The following EBF2 variants were observed in gnomAD, a reference collection of about 807,000 sequenced individuals.
EBF2 encodes the protein EBF transcription factor 2, also known as transcription factor COE2.
In EBF2, 21 loss-of-function variants were observed where a neutral mutation model predicts 72.8. That is an observed-to-expected ratio of 0.29 (90% CI 0.20 to 0.42). The LOEUF (loss-of-function observed/expected upper bound fraction) is 0.42. Ranked by LOEUF, EBF2 falls within the 10% of genes least tolerant of loss-of-function variation. The pLI is 1.00. For missense variants in EBF2, 637 were observed against 731.2 expected, an observed-to-expected ratio of 0.87 and a Z score of 1.49; for synonymous variants, 299 against 274.2, an observed-to-expected ratio of 1.09 and a Z score of -0.89.
At chr8:25,938,473 A>G (rs1803616905) in intron 6 of EBF2, among the ~76,000 whole-genome samples, 1 of 151,984 alleles carries the variant, frequency 6.6e-6, no homozygotes, top group South Asian at 2.1e-4. Context: ...GCCAATATAG[A>G]AGACAAATAC....
chr8:26,028,829 G>A (rs1805346417), intron 6 of EBF2, among the ~76,000 whole-genome samples: 1 of 152,156 alleles, frequency 6.6e-6, no homozygotes, highest in South Asian at 2.1e-4. Context: ...GTTTTGTTCT[G>A]TTCTGTTTTG....
At chr8:25,940,800 A>G (rs755341880) in intron 6 of EBF2, among the ~76,000 whole-genome samples, 8 of 152,098 alleles carry the variant, frequency 5.3e-5, no homozygotes, top group Non-Finnish European at 8.8e-5. Context: ...GAATGATTTC[A>G]TTCATTGCAT....
At chr8:25,900,241 A>G (rs1802929348) in intron 7 of EBF2, among the ~76,000 whole-genome samples, 1 of 152,170 alleles carries the variant, frequency 6.6e-6, no homozygotes, top group Admixed American at 6.5e-5. Flanking sequence ...GAATCACTTG[A>G]GCCCAGGGGT....
At position 25,863,272 on chromosome 8, in the gene EBF2, C is replaced by A. The variant is rs1266914027; in HGVS notation, c.1010-475G>T. Reference sequence around the variant, plus strand: ...TCTATGAGCTTATTCTCATAAAACCCACTTTATGCATAATACGCTTCCACA... The same window carrying A: ...TCTATGAGCTTATTCTCATAAAACCAACTTTATGCATAATACGCTTCCACA... On this transcript the variant is annotated intron_variant, in intron 10 of 15. Coordinates refer to ENST00000520164, the MANE Select transcript of EBF2 (RefSeq NM_022659.4). Among the ~76,000 whole-genome samples the A allele has an allele frequency of 2.0e-5, 3 of 151,968 alleles. No individual in the cohort carries two copies. In the South Asian group the frequency reaches 6.2e-4, roughly 32 times the overall value.
At chr8:26,025,632 C>CT (rs911794341) in intron 6 of EBF2, among the ~76,000 whole-genome samples, 1 of 152,082 alleles carries the variant, frequency 6.6e-6, no homozygotes, top group South Asian at 2.1e-4. Flanking sequence ...AATTTTGTTT[C>CT]TTTTTTACCA....
intron 6 of EBF2, among the ~76,000 whole-genome samples, chr8:25,935,337 C>T (rs1439180971): frequency 1.3e-5 from 2 of 152,198 alleles, no homozygotes; most frequent in Admixed American, 6.5e-5. Flanking sequence ...TTATGCAGCT[C>T]ATCCCTTTAC....
Position 26,026,990 on chromosome 8 carries a change from T to C in EBF2, c.551+6095A>G, listed in dbSNP as rs1225612061. Among the ~76,000 whole-genome samples the C allele has an allele frequency of 2.6e-5, 4 of 152,186 alleles. No individual in the cohort carries two copies. In the East Asian group the frequency reaches 7.7e-4, roughly 29 times the overall value. ...AAGTGCCAATTAATTGTTAGATAAA[T>C]GTTATTATTGGTTTTATCTATCCTT... On this transcript the variant is annotated intron_variant, in intron 6 of 15. Transcript: ENST00000520164.
intron 6 of EBF2, among the ~76,000 whole-genome samples, chr8:26,006,630 C>G (rs1032101682): frequency 6.6e-6 from 1 of 152,202 alleles, no homozygotes; most frequent in African/African-American, 2.4e-5. Context: ...TTCCATGACA[C>G]TGTCTCCTTG....
At chr8:25,908,206 G>A (rs529984317) in intron 7 of EBF2, among the ~76,000 whole-genome samples, 36 of 152,292 alleles carry the variant, frequency 2.4e-4, no homozygotes, top group African/African-American at 8.2e-4. Context: ...GTGTGCAGTG[G>A]GCAGCCCGAG....
intron 6 of EBF2, among the ~76,000 whole-genome samples, chr8:25,913,498 C>A (rs1313595706): frequency 6.6e-6 from 1 of 152,128 alleles, no homozygotes; most frequent in Non-Finnish European, 1.5e-5. Context: ...TAGTTAACAG[C>A]TACCATTATA....
In EBF2 at chr8:26,040,016, G is replaced by C; in HGVS notation, c.482+12C>G. On this transcript the variant is annotated intron_variant, in intron 5 of 15. Transcript: ENST00000520164. ...GGCTCTCCAGGAAGGCCTGGGAAAA[G>C]GCGGCTCTTACCTACACATCACTTC... The C allele has an allele frequency of 6.2e-7, 1 of 1,613,114 alleles. No individual in the cohort carries two copies. Among genetic ancestry groups the C allele is most frequent in the Non-Finnish European group, 8.5e-7 (1 of 1,179,302 alleles).
At chr8:25,927,992 T>C (rs974898109) in intron 6 of EBF2, among the ~76,000 whole-genome samples, 1 of 152,014 alleles carries the variant, frequency 6.6e-6, no homozygotes, top group East Asian at 1.9e-4. Flanking sequence ...TAGAAATATA[T>C]ATATTATAAA....
intron 6 of EBF2, among the ~76,000 whole-genome samples, chr8:25,973,937 C>T (rs182163892): frequency 5.9e-5 from 9 of 152,272 alleles, no homozygotes; most frequent in Admixed American, 2.6e-4. Context: ...CTCAGCCTCC[C>T]GAAGTGCTGG....
intron 6 of EBF2, among the ~76,000 whole-genome samples, chr8:25,910,934 G>A (rs1322703474): frequency 6.6e-6 from 1 of 152,036 alleles, no homozygotes; most frequent in African/African-American, 2.4e-5. Context: ...ATTATGGCCT[G>A]GATTTTTTAA....
intron 6 of EBF2, among the ~76,000 whole-genome samples, chr8:25,914,749 T>C (rs1803182551): frequency 6.6e-6 from 1 of 152,214 alleles, no homozygotes; most frequent in African/African-American, 2.4e-5. Context: ...AAACTCATTT[T>C]TGTAAGCTGA....
At chr8:25,975,089 C>G (rs1804247688) in intron 6 of EBF2, among the ~76,000 whole-genome samples, 6 of 152,146 alleles carry the variant, frequency 3.9e-5, no homozygotes, top group Admixed American at 3.9e-4. Context: ...AAATCCCACT[C>G]CTAAAACACC....
intron 6 of EBF2, among the ~76,000 whole-genome samples, chr8:25,994,992 GAAA>G (rs200112282): frequency 1.4e-4 from 21 of 151,662 alleles, no homozygotes; most frequent in Non-Finnish European, 2.7e-4. Flanking sequence ...TCCTTGTAAT[GAAA>G]AAAAAATTTT....
chr8:25,934,080 T>C (rs1803531661), intron 6 of EBF2, among the ~76,000 whole-genome samples: 1 of 152,174 alleles, frequency 6.6e-6, no homozygotes, highest in African/African-American at 2.4e-5. Context: ...CTGAATGGTG[T>C]GCTGGCTTCT....
intron 1 of EBF2, among the ~76,000 whole-genome samples, chr8:26,043,356 A>C (rs1275821763): frequency 1.3e-5 from 2 of 152,248 alleles, no homozygotes; most frequent in Non-Finnish European, 2.9e-5. Context: ...GCTCTCCCCC[A>C]CTAAGTCTGC....
Sources: allele counts gnomAD v4.1 joint callset (sites outside exome capture counted in the v4.1 genomes callset), GRCh38; gene constraint gnomAD v4.1.1; transcripts MANE v1.5; gene names NCBI Gene and HGNC (gene_info 2026-07-23, HGNC 2026-07-21).